PP2D1: variants seen among roughly 807,000 people sequenced by gnomAD.
The protein encoded by PP2D1 is protein phosphatase 2C like domain containing 1, also known as protein phosphatase 2C-like domain-containing protein 1.
PP2D1 carries 25 observed loss-of-function variants against 30.2 expected under a neutral mutation model. The ratio of observed to expected loss-of-function variants is 0.83; its 90% CI spans 0.60 to 1.16. The LOEUF is 1.16. Ranked by LOEUF, PP2D1 falls within the 50% of genes most tolerant of loss-of-function variation. PP2D1 has a pLI of 0.00. For missense variants in PP2D1, 760 were observed against 742.4 expected, an observed-to-expected ratio of 1.02 and a Z score of -0.28; for synonymous variants, 260 against 258.9, an observed-to-expected ratio of 1.00 and a Z score of -0.04.
chr3:20,005,552 A>G (rs1178384910), intron 1 of PP2D1, among the ~76,000 whole-genome samples: 5 of 152,148 alleles, frequency 3.3e-5, no homozygotes, highest in African/African-American at 1.2e-4. Context: ...GTGTTAGAGT[A>G]ATGAGGGATG....
intron 1 of PP2D1, among the ~76,000 whole-genome samples, chr3:20,003,921 A>G (rs1219345547): frequency 1.3e-5 from 2 of 152,202 alleles, no homozygotes; most frequent in Non-Finnish European, 2.9e-5. Flanking sequence ...AGTTGTAAAA[A>G]TTTAAACGTT....
intron 2 of PP2D1, among the ~76,000 whole-genome samples, chr3:19,991,015 A>G (rs1226990102): frequency 6.6e-6 from 1 of 152,230 alleles, no homozygotes; most frequent in Non-Finnish European, 1.5e-5. Context: ...CCACTACACA[A>G]TTTTAATCTA....
chr3:19,984,214 C>G (rs1696989065), downstream of PP2D1: 2 of 419,666 alleles, frequency 4.8e-6, no homozygotes, highest in African/African-American at 4.3e-5. Flanking sequence ...TTTTCAAAAA[C>G]ATTCTTTGTT....
intron 1 of PP2D1, among the ~76,000 whole-genome samples, chr3:20,005,162 T>C (rs1270740518): frequency 6.8e-6 from 1 of 148,142 alleles, no homozygotes; most frequent in Non-Finnish European, 1.5e-5. Flanking sequence ...TTTAAATTTA[T>C]TTTTTTTGAG....
chr3:19,985,430 T>C lies in PP2D1; in HGVS notation c.1843A>G (p.Thr615Ala), dbSNP rs1165097892. 5 of 1,536,072 alleles carry C rather than the reference T, an allele frequency of 3.3e-6. No individual in the cohort carries two copies. Among genetic ancestry groups the C allele is most frequent in the Middle Eastern group, 1.7e-4 (1 of 5,990 alleles). Reference protein sequence around the residue: ...ALLAGSRDNITVMVIFLNGSE... With the variant: ...ALLAGSRDNIAVMVIFLNGSE... ...CCATTGAGAAATATTACCATAACTG[T>C]AATGTTGTCTCTGGAGCCAGCCAGT... The change falls in exon 3 of 3, where the codon ACA becomes GCA. Residue 615 changes from threonine (T) to alanine (A), a missense_variant. Physicochemically the swap from Thr to Ala is moderately conservative, Grantham distance 58. Coordinates refer to ENST00000389050, the MANE Select transcript of PP2D1 (RefSeq NM_001252657.2).
chr3:19,984,736 C>T (rs1346645145), downstream of PP2D1: 1 of 153,162 alleles, frequency 6.5e-6, no homozygotes, highest in East Asian at 1.9e-4. Context: ...GCATTGTAGT[C>T]TCCATATCTG....
At chr3:19,980,579 CCTCTTAAT>C (rs1417301796), downstream of PP2D1, among the ~76,000 whole-genome samples, 12 of 152,106 alleles carry the variant, frequency 7.9e-5, no homozygotes, top group South Asian at 1.0e-3. Context: ...CCTCCTTCAT[CCTCTTAAT>C]CTCACTCACC....
At chr3:19,986,577 T>C (rs1222932988) in intron 2 of PP2D1, among the ~76,000 whole-genome samples, 1 of 152,226 alleles carries the variant, frequency 6.6e-6, no homozygotes, top group Non-Finnish European at 1.5e-5. Flanking sequence ...GATAAATGCT[T>C]TTTCAATTTA....
Position 19,985,703 on chromosome 3 carries a change from G to C in PP2D1, c.1570C>G (p.Arg524Gly). ...TCTTTGGAATTTGTAGTTGACACAC[G>C]TACTTCAGATACAGATTTATACTGA... is the stretch of plus-strand genomic sequence containing the variant. ...LFQYKSVSEV[R>G]VSTTNSKENL... The change falls in exon 3 of 3, where the codon CGT (arginine) becomes GGT (glycine). Residue 524 changes from arginine to glycine, a missense_variant. This residue lies in a region of PP2D1 where 369 missense variants were observed against 316.2 expected (regional missense o/e 1.17). Coordinates refer to ENST00000389050, the MANE Select transcript of PP2D1 (RefSeq NM_001252657.2). 1 of 1,535,592 alleles carries C rather than the reference G, an allele frequency of 6.5e-7. No individual in the cohort carries two copies. Among genetic ancestry groups the C allele is most frequent in the Non-Finnish European group, 8.7e-7 (1 of 1,146,444 alleles).
intron 2 of PP2D1, among the ~76,000 whole-genome samples, chr3:19,996,006 T>G (rs1466870910): frequency 6.6e-6 from 1 of 151,746 alleles, no homozygotes; most frequent in Non-Finnish European, 1.5e-5. Flanking sequence ...AAACTCCAAA[T>G]AAACAACGTA....
exon 4 of PP2D1, chr3:19,980,081 T>G (rs1232320540): frequency 6.6e-6 from 1 of 152,230 alleles, no homozygotes; most frequent in Non-Finnish European, 1.5e-5. Flanking sequence ...AACTCAAGTT[T>G]GCAGTTTGCT....
chr3:19,985,169 AAAGC>A (rs1195537698), downstream of PP2D1: 2 of 494,144 alleles, frequency 4.0e-6, no homozygotes, highest in East Asian at 6.8e-5. Flanking sequence ...AGTGGTATAA[AAAGC>A]AAGTATCGGC....
intron 1 of PP2D1, among the ~76,000 whole-genome samples, chr3:20,008,836 T>C (rs149406656): frequency 6.6e-6 from 1 of 152,230 alleles, no homozygotes; most frequent in African/African-American, 2.4e-5. Flanking sequence ...ATCTGTAAAA[T>C]GCACAAGGTT....
At chr3:20,005,144 T>TATATATA (rs35662929) in intron 1 of PP2D1, among the ~76,000 whole-genome samples, 101 of 123,328 alleles carry the variant, frequency 8.2e-4, no homozygotes, top group Non-Finnish European at 1.4e-3. Context: ...TATATATACA[T>TATATATA]TTTTTTTTTT....
chr3:20,011,921 T>C, intron 1 of PP2D1, 129 bp downstream of exon 1: 1 of 644,346 alleles, frequency 1.6e-6, no homozygotes, highest in Non-Finnish European at 2.6e-6. Context: ...ATATCACTCT[T>C]CAATGTACAC....
chr3:20,003,197 A>T (rs1255728464), intron 1 of PP2D1, among the ~76,000 whole-genome samples: 1 of 152,124 alleles, frequency 6.6e-6, no homozygotes, highest in Non-Finnish European at 1.5e-5. Context: ...TTATATTAAA[A>T]AAAAAATTAA....
chr3:19,986,829 G>A (rs551953996), intron 2 of PP2D1, among the ~76,000 whole-genome samples: 194 of 152,200 alleles, frequency 1.3e-3, no homozygotes, highest in African/African-American at 3.9e-3. Flanking sequence ...GAGGTCAGGC[G>A]TTCGAGACCA....
chr3:20,003,100 G>A (rs1047979796), intron 1 of PP2D1, among the ~76,000 whole-genome samples: 8 of 151,708 alleles, frequency 5.3e-5, no homozygotes, highest in African/African-American at 1.7e-4. Context: ...TGTACAGAAC[G>A]TAATACCTGA....
At chr3:19,989,484 G>C (rs1464079677) in intron 2 of PP2D1, among the ~76,000 whole-genome samples, 1 of 152,178 alleles carries the variant, frequency 6.6e-6, no homozygotes, top group South Asian at 2.1e-4. Context: ...AGTTCTAAAG[G>C]CTATATGGCC....
Sources: allele counts gnomAD v4.1 joint callset (sites outside exome capture counted in the v4.1 genomes callset), GRCh38; gene constraint gnomAD v4.1.1; regional missense constraint gnomAD v4.1.1; transcripts MANE v1.5; gene names NCBI Gene and HGNC (gene_info 2026-07-23, HGNC 2026-07-21).